The following IL1RAPL1 variants were observed in gnomAD, a reference collection of about 807,000 sequenced individuals.
IL1RAPL1 encodes the protein interleukin-1 receptor accessory protein-like 1.
In IL1RAPL1, 3 loss-of-function variants were observed where a neutral mutation model predicts 48.4. The observed-to-expected ratio is 0.06, with a 90% CI of 0.03 to 0.16. The LOEUF is 0.16. IL1RAPL1 is among the 10% of genes least tolerant of loss of function. The pLI is 1.00. For synonymous variants in IL1RAPL1, 185 were observed against 187.7 expected (o/e 0.99, Z 0.12); for missense variants, 349 against 530.6 (o/e 0.66, Z 3.36).
rs936287767 is a variant in IL1RAPL1 at position 29,396,526 on chromosome X, G to C, written c.549+82G>C. On this transcript the variant is annotated intron_variant, in intron 4 of 10. Transcript: ENST00000378993. ...TGGGACAAATTGGATAGAAAACTTA[G>C]ATGGGTGTGATATAGTTTAGCTTTG... 1.4e-5 allele frequency: 12 copies of C among 842,236 alleles called. No homozygotes were observed. The African/African-American group carries it at 1.6e-4, about 11-fold the overall frequency. 69.4% of individuals were successfully genotyped at this position (842,236 alleles called of 1,213,427 possible).
At chrX:29,455,751 A>G (rs994910792) in intron 5 of IL1RAPL1, among the ~76,000 whole-genome samples, 1 of 111,930 alleles carries the variant, frequency 8.9e-6, no homozygotes, top group Non-Finnish European at 1.9e-5. Flanking sequence ...TGTCTTTTTA[A>G]TTAAAAAAAC....
At chrX:29,410,097 C>T (rs931223676) in intron 5 of IL1RAPL1, among the ~76,000 whole-genome samples, 7 of 110,683 alleles carry the variant, frequency 6.3e-5, no homozygotes, top group Non-Finnish European at 7.6e-5. Context: ...GCTGGGATTA[C>T]AGGCGTGAGC....
chrX:29,322,574 A>G (rs1269513684), intron 3 of IL1RAPL1, among the ~76,000 whole-genome samples: 1 of 112,204 alleles, frequency 8.9e-6, no homozygotes, highest in Middle Eastern at 4.2e-3. Flanking sequence ...TAAGTTCAAC[A>G]TATTTCATAT....
intron 3 of IL1RAPL1, among the ~76,000 whole-genome samples, chrX:29,305,907 T>G (rs2147614613): frequency 8.9e-6 from 1 of 112,529 alleles, no homozygotes; most frequent in South Asian, 3.7e-4. Flanking sequence ...ATAGAAATGC[T>G]AATGCAGTAG....
At chrX:29,822,388 A>G (rs147320629) in intron 6 of IL1RAPL1, among the ~76,000 whole-genome samples, 1,471 of 110,816 alleles carry the variant, frequency 0.013, 14 homozygotes, top group Middle Eastern at 0.043. Flanking sequence ...AATAATATGT[A>G]TCTGTAATTT....
At chrX:28,686,957 C>T (rs768698218) in intron 1 of IL1RAPL1, among the ~76,000 whole-genome samples, 3 of 111,366 alleles carry the variant, frequency 2.7e-5, no homozygotes, top group Admixed American at 9.5e-5. Context: ...CCCACTTTCT[C>T]AAAAAATAAA....
At chrX:28,777,608 G>A (rs955720405) in intron 1 of IL1RAPL1, among the ~76,000 whole-genome samples, 2 of 111,431 alleles carry the variant, frequency 1.8e-5, no homozygotes, top group East Asian at 2.8e-4. Flanking sequence ...TCATGTTCTC[G>A]CTGAGTAACG....
intron 6 of IL1RAPL1, among the ~76,000 whole-genome samples, chrX:29,806,234 C>G (rs1930253446): frequency 8.9e-6 from 1 of 111,870 alleles, no homozygotes; most frequent in African/African-American, 3.2e-5. Flanking sequence ...CGTGCACACA[C>G]ACACACTTAG....
intron 6 of IL1RAPL1, among the ~76,000 whole-genome samples, chrX:29,786,878 G>T (rs1372705895): frequency 1.2e-4 from 13 of 111,332 alleles, no homozygotes. Flanking sequence ...CATGGGTCTT[G>T]CCTGAGATTC....
At chrX:29,909,413 A>C (rs1187319628) in intron 6 of IL1RAPL1, among the ~76,000 whole-genome samples, 3 of 110,779 alleles carry the variant, frequency 2.7e-5, no homozygotes, top group Non-Finnish European at 3.8e-5. Context: ...CCTGAGCAAC[A>C]GAGTGAGACC....
chrX:28,604,165 A>G (rs1934058470), intron 1 of IL1RAPL1, among the ~76,000 whole-genome samples: 1 of 111,799 alleles, frequency 8.9e-6, no homozygotes, highest in Non-Finnish European at 1.9e-5. Flanking sequence ...TTTTCCCTAT[A>G]TATAAGTATC....
chrX:28,818,130 G>GT (rs202114389), intron 2 of IL1RAPL1, among the ~76,000 whole-genome samples: 5,000 of 110,826 alleles, frequency 0.045, 262 homozygotes, highest in African/African-American at 0.15. Flanking sequence ...CAAATATTGA[G>GT]TTTTGTGAGG....
intron 6 of IL1RAPL1, among the ~76,000 whole-genome samples, chrX:29,899,063 T>TG (rs1371949373): frequency 9.0e-6 from 1 of 111,059 alleles, no homozygotes; most frequent in African/African-American, 3.3e-5. Flanking sequence ...AAAAACCAAG[T>TG]GAAAAACTTC....
intron 6 of IL1RAPL1, among the ~76,000 whole-genome samples, chrX:29,682,011 T>C (rs1490922716): frequency 1.8e-5 from 2 of 111,862 alleles, no homozygotes; most frequent in Non-Finnish European, 3.8e-5. Context: ...TTACTCTGAT[T>C]TGATCATTAC....
At chrX:29,538,307 T>TATATA (rs767639592) in intron 5 of IL1RAPL1, among the ~76,000 whole-genome samples, 1,796 of 106,634 alleles carry the variant, frequency 0.017, 52 homozygotes, top group African/African-American at 0.059. Context: ...ATGTGTAATA[T>TATATA]ATATAATCTT....
At chrX:29,111,007 AAAG>A (rs1928553660) in intron 2 of IL1RAPL1, among the ~76,000 whole-genome samples, 1 of 111,785 alleles carries the variant, frequency 8.9e-6, no homozygotes, top group South Asian at 3.7e-4. Context: ...TTTTGAAAAA[AAAG>A]GTATTTTGTT....
At chrX:29,162,028 T>TA (rs1929694966) in intron 2 of IL1RAPL1, among the ~76,000 whole-genome samples, 1 of 111,628 alleles carries the variant, frequency 9.0e-6, no homozygotes, top group African/African-American at 3.3e-5. Flanking sequence ...TATGCAGCCA[T>TA]AAAAAAGAAT....
chrX:29,543,765 A>G (rs1239798379), intron 5 of IL1RAPL1, among the ~76,000 whole-genome samples: 1 of 110,963 alleles, frequency 9.0e-6, no homozygotes, highest in Non-Finnish European at 1.9e-5. Context: ...AGATACTGAC[A>G]TAAGGTAGAG....
intron 6 of IL1RAPL1, among the ~76,000 whole-genome samples, chrX:29,825,761 C>T (rs1569180152): frequency 9.0e-6 from 1 of 111,455 alleles, no homozygotes; most frequent in African/African-American, 3.3e-5. Context: ...CTTTGTAGAC[C>T]TTAGAATCAT....
Sources: gnomAD v4.1 joint callset for allele counts (sites outside exome capture counted in the v4.1 genomes callset) on GRCh38, gnomAD v4.1.1 for gene constraint, MANE v1.5 for transcripts, NCBI Gene and HGNC (gene_info 2026-07-23, HGNC 2026-07-21) for gene names.